Variants in ATL2 observed in about 807,000 individuals in gnomAD.
ATL2 encodes atlastin GTPase 2.
In ATL2, 31 loss-of-function variants were observed where a neutral mutation model predicts 73.9. The observed-to-expected ratio is 0.42, with a 90% CI of 0.32 to 0.57. The LOEUF (loss-of-function observed/expected upper bound fraction) is 0.57, where lower values mean the gene tolerates loss of function less well. Ranked by LOEUF, ATL2 falls within the 20% of genes least tolerant of loss-of-function variation. The pLI, the probability that ATL2 is intolerant of heterozygous loss-of-function variation, is 0.14. For missense variants in ATL2, 738 were observed against 702.6 expected, an observed-to-expected ratio of 1.05 and a Z score of -0.57; for synonymous variants, 291 against 237.5, an observed-to-expected ratio of 1.23 and a Z score of -2.07.
intron 1 of ATL2, among the ~76,000 whole-genome samples, chr2:38,363,118 T>A (rs1047729717): frequency 6.6e-6 from 1 of 152,176 alleles, no homozygotes; most frequent in Non-Finnish European, 1.5e-5. Context: ...CTTGTTTCCA[T>A]AAAGGAGTAC....
intron 3 of ATL2, 73 bp from the exon 4 acceptor site, chr2:38,318,712 A>G: frequency 7.2e-7 from 1 of 1,380,650 alleles, no homozygotes; most frequent in Non-Finnish European, 9.9e-7. Context: ...TCAAATGATA[A>G]ATTTGAAAAG....
chr2:38,304,114 C>A (rs1046510733), intron 9 of ATL2, among the ~76,000 whole-genome samples: 1 of 152,066 alleles, frequency 6.6e-6, no homozygotes, highest in African/African-American at 2.4e-5. Flanking sequence ...ACCACCACCA[C>A]AACAACAACA....
At chr2:38,375,277 C>G (rs527893020) in intron 1 of ATL2, among the ~76,000 whole-genome samples, 1 of 152,298 alleles carries the variant, frequency 6.6e-6, no homozygotes, top group South Asian at 2.1e-4. Flanking sequence ...ACTTTAAACA[C>G]AAATCCTACC....
At chr2:38,308,795 TAAAC>T (rs1667589748) in intron 9 of ATL2, among the ~76,000 whole-genome samples, 1 of 152,010 alleles carries the variant, frequency 6.6e-6, no homozygotes, top group African/African-American at 2.4e-5. Context: ...CATTCATAAC[TAAAC>T]AAAGATAATA....
At chr2:38,342,039 G>A (rs746835652) in intron 2 of ATL2, among the ~76,000 whole-genome samples, 1 of 151,928 alleles carries the variant, frequency 6.6e-6, no homozygotes, top group African/African-American at 2.4e-5. Context: ...TCCTTCTCCT[G>A]TTCCCTTTCA....
Position 38,343,392 on chromosome 2 carries a change from AAAG to A in ATL2, c.236_238del (p.Ala79_Leu80delinsVal). On this transcript the variant is annotated inframe_deletion, in exon 2 of 13. Coordinates refer to ENST00000378954, the MANE Select transcript of ATL2 (RefSeq NM_001135673.4). ...GTGCTCCTGTAGCAATATCTGCTCCAAAGCTTCTTCATCAAGTTCAAAGTTATG... is the reference window on the plus strand; with the variant it reads ...GTGCTCCTGTAGCAATATCTGCTCCACTTCTTCATCAAGTTCAAAGTTATG... The A allele has an allele frequency of 6.2e-7, 1 of 1,613,044 alleles. No individual in the cohort carries two copies. The highest frequency in any genetic ancestry group is 8.5e-7 in the Non-Finnish European group (1 of 1,179,866).
chr2:38,302,464 C>T (rs1185401072), intron 9 of ATL2, among the ~76,000 whole-genome samples: 1 of 152,050 alleles, frequency 6.6e-6, no homozygotes, highest in East Asian at 1.9e-4. Flanking sequence ...CCTTGACTGA[C>T]CACAGGCAAT....
At position 38,310,510 on chromosome 2, in the gene ATL2, T is replaced by C. The variant is rs565692584; in HGVS notation, c.805-63A>G. On this transcript the variant is annotated intron_variant, in intron 7 of 12. Coordinates refer to ENST00000378954, the MANE Select transcript of ATL2 (RefSeq NM_001135673.4). ...AGAAAGAAAATTTTTTTAAAGAAAA[T>C]GCACACAGACTCGCATGCACACTAT... is the stretch of plus-strand genomic sequence containing the variant. The C allele has an allele frequency of 1.0e-4, 148 of 1,451,418 alleles. 2 individuals are homozygous for C. In the South Asian group the frequency reaches 1.6e-3, roughly 15 times the overall value. The allele number at this position is 1,451,418 out of a possible 1,614,324, so 89.9% of individuals were successfully genotyped here.
chr2:38,373,448 C>T (rs1671795769), intron 1 of ATL2, among the ~76,000 whole-genome samples: 1 of 152,088 alleles, frequency 6.6e-6, no homozygotes, highest in South Asian at 2.1e-4. Flanking sequence ...CAAGGGAATC[C>T]CCTACATTCT....
At chr2:38,347,465 C>T (rs1240214679) in intron 1 of ATL2, among the ~76,000 whole-genome samples, 3 of 152,180 alleles carry the variant, frequency 2.0e-5, no homozygotes, top group Non-Finnish European at 4.4e-5. Context: ...CAGCATGGCC[C>T]TCCCTGACCA....
intron 9 of ATL2, among the ~76,000 whole-genome samples, chr2:38,308,419 C>T (rs770300634): frequency 1.9e-4 from 29 of 151,674 alleles, no homozygotes; most frequent in Non-Finnish European, 3.1e-4. Flanking sequence ...TGAACTCATG[C>T]GATAGAGAGT....
intron 9 of ATL2, among the ~76,000 whole-genome samples, chr2:38,308,434 G>C (rs1667570305): frequency 1.3e-5 from 2 of 152,110 alleles, no homozygotes; most frequent in African/African-American, 4.8e-5. Context: ...GAGAGTACTA[G>C]AAAGATGGTT....
intron 1 of ATL2, among the ~76,000 whole-genome samples, chr2:38,365,158 C>CAT (rs1558456638): frequency 2.7e-5 from 4 of 148,254 alleles, no homozygotes; most frequent in African/African-American, 1.0e-4. Flanking sequence ...CACACACACA[C>CAT]ACACACAAAT....
intron 1 of ATL2, among the ~76,000 whole-genome samples, chr2:38,371,495 C>T (rs1018725860): frequency 2.2e-4 from 33 of 151,284 alleles, no homozygotes; most frequent in African/African-American, 8.0e-4. Context: ...GGCAAGACCT[C>T]GTTTCAAAAA....
intron 9 of ATL2, among the ~76,000 whole-genome samples, chr2:38,302,178 G>T (rs1249352392): frequency 6.6e-6 from 1 of 152,196 alleles, no homozygotes; most frequent in Non-Finnish European, 1.5e-5. Context: ...TGAATAAGCA[G>T]TAGTGGTAGC....
At chr2:38,365,586 C>T (rs1220870261) in intron 1 of ATL2, among the ~76,000 whole-genome samples, 1 of 152,034 alleles carries the variant, frequency 6.6e-6, no homozygotes, top group African/African-American at 2.4e-5. Flanking sequence ...GTCAGGAGTT[C>T]GAGACCAGCC....
chr2:38,347,594 C>G (rs573101013), intron 1 of ATL2, among the ~76,000 whole-genome samples: 1 of 152,124 alleles, frequency 6.6e-6, no homozygotes, highest in South Asian at 2.1e-4. Context: ...CTGATATCTC[C>G]CACTCCACAG....
intron 2 of ATL2, among the ~76,000 whole-genome samples, chr2:38,334,921 T>TTTATATATTATAATATATAAATATAA (rs1669257281): frequency 7.5e-6 from 1 of 132,884 alleles, no homozygotes; most frequent in South Asian, 2.1e-4. Context: ...TATAAATATA[T>TTTATATATTATAATATATAAATATAA]TTATATATTA....
At chr2:38,364,660 T>G (rs1671202310) in intron 1 of ATL2, among the ~76,000 whole-genome samples, 1 of 152,224 alleles carries the variant, frequency 6.6e-6, no homozygotes, top group Admixed American at 6.5e-5. Context: ...GCTCCAAGAT[T>G]TTGTAGCACA....
Sources: gnomAD v4.1 joint callset for allele counts (sites outside exome capture counted in the v4.1 genomes callset) on GRCh38, gnomAD v4.1.1 for gene constraint, MANE v1.5 for transcripts, NCBI Gene and HGNC (gene_info 2026-07-23, HGNC 2026-07-21) for gene names.